Variants in SLMAP observed in about 807,000 individuals in gnomAD.
SLMAP encodes the protein sarcolemmal membrane-associated protein.
SLMAP carries 44 observed loss-of-function variants against 128.8 expected under a neutral mutation model. The ratio of observed to expected loss-of-function variants is 0.34; its 90% CI spans 0.27 to 0.44. The LOEUF (loss-of-function observed/expected upper bound fraction) is 0.44. Among genes scored for constraint, SLMAP ranks in the 20% least tolerant of loss-of-function variants. The probability of loss-of-function intolerance (pLI) is 1.00; values close to 1 mark genes in which losing one functional copy is unlikely to be tolerated. For synonymous variants in SLMAP, 327 were observed against 348.8 expected, an observed-to-expected ratio of 0.94 and a Z score of 0.70; for missense variants, 787 against 985.3, an observed-to-expected ratio of 0.80 and a Z score of 2.69.
chr3:57,857,560 G>C (rs532913765), intron 6 of SLMAP, among the ~76,000 whole-genome samples, 173 bp from the exon 7 acceptor site: 37 of 152,306 alleles, frequency 2.4e-4, no homozygotes, highest in Middle Eastern at 3.4e-3. Flanking sequence ...AGGGAAACCA[G>C]AGATAAGCGG....
At chr3:57,876,057 T>C (rs529445913) in intron 14 of SLMAP, among the ~76,000 whole-genome samples, 4 of 152,358 alleles carry the variant, frequency 2.6e-5, no homozygotes, top group Admixed American at 2.6e-4. Flanking sequence ...TGCTGCTTCA[T>C]ATTTCTTGTT....
intron 19 of SLMAP, 135 bp from the exon 20 acceptor site, chr3:57,912,246 A>G: frequency 1.6e-6 from 1 of 629,320 alleles, no homozygotes; most frequent in South Asian, 3.0e-5. Context: ...CGCTTTCTGC[A>G]TCAAACGTGG....
chr3:57,903,885 AG>A (rs1263170543), intron 17 of SLMAP, among the ~76,000 whole-genome samples: 4 of 152,312 alleles, frequency 2.6e-5, no homozygotes, highest in Non-Finnish European at 5.9e-5. Flanking sequence ...AGACTCCCCA[AG>A]GTTATGAAGC....
rs566031347 is a variant in SLMAP at position 57,864,133 on chromosome 3, C to T, written c.967-415C>T. ...GTTTAGAAATGTCAGGTTAGCCGGG[C>T]GCAGTGGCTCATGCCTGTAATCCCA... On this transcript the variant is annotated intron_variant, in intron 10 of 24. Transcript: ENST00000671191. Among the ~76,000 whole-genome samples, 10 of 152,220 alleles carry T rather than the reference C, an allele frequency of 6.6e-5. No individual in the cohort carries two copies. The East Asian group carries it at 1.4e-3, about 21-fold the overall frequency.
chr3:57,775,509 CAAAAAAAA>C (rs1009755128), intron 2 of SLMAP, among the ~76,000 whole-genome samples: 8 of 21,196 alleles, frequency 3.8e-4, no homozygotes, highest in Admixed American at 1.2e-3. Context: ...CCTGTTGGTA[CAAAAAAAA>C]AAAAAAAAAA....
chr3:57,824,796 A>G (rs2092797591), intron 2 of SLMAP, among the ~76,000 whole-genome samples: 1 of 152,216 alleles, frequency 6.6e-6, no homozygotes, highest in African/African-American at 2.4e-5. Flanking sequence ...AAAGGTGGTC[A>G]TTGGAATTTT....
At chr3:57,813,470 A>G (rs1198733440) in intron 2 of SLMAP, among the ~76,000 whole-genome samples, 1 of 152,210 alleles carries the variant, frequency 6.6e-6, no homozygotes, top group East Asian at 1.9e-4. Context: ...TCTCATGTCC[A>G]GGACAGTGAG....
chr3:57,905,254 A>C (rs1433630032), intron 17 of SLMAP, among the ~76,000 whole-genome samples: 1 of 152,062 alleles, frequency 6.6e-6, no homozygotes, highest in African/African-American at 2.4e-5. Flanking sequence ...ATTCGAGTTC[A>C]TACCCTACAC....
At chr3:57,760,866 T>TC (rs1056610029) in intron 2 of SLMAP, among the ~76,000 whole-genome samples, 2 of 152,106 alleles carry the variant, frequency 1.3e-5, no homozygotes, top group African/African-American at 4.8e-5. Flanking sequence ...TAGCTGGGAC[T>TC]ACAGGCATGC....
chr3:57,834,524 A>G (rs2093525200), intron 3 of SLMAP, among the ~76,000 whole-genome samples: 2 of 152,156 alleles, frequency 1.3e-5, no homozygotes, highest in African/African-American at 4.8e-5. Flanking sequence ...TCCTAGCAAA[A>G]TTATCTCAAG....
At chr3:57,816,229 T>C (rs893642282) in intron 2 of SLMAP, among the ~76,000 whole-genome samples, 1 of 152,118 alleles carries the variant, frequency 6.6e-6, no homozygotes, top group African/African-American at 2.4e-5. Flanking sequence ...TTGCAACTTC[T>C]GCCTCCCAGG....
At chr3:57,861,018 G>A (rs2095031261) in intron 9 of SLMAP, among the ~76,000 whole-genome samples, 179 bp downstream of exon 9, 1 of 152,132 alleles carries the variant, frequency 6.6e-6, no homozygotes, top group African/African-American at 2.4e-5. Flanking sequence ...GTGAGTTTTG[G>A]TACTTACTCC....
rs2096257637 is a variant in SLMAP at position 57,896,933 on chromosome 3, G to A, written c.1501+1G>A. 1.9e-6 allele frequency: 3 copies of A among 1,613,158 alleles called. No homozygotes were observed. Among genetic ancestry groups the A allele is most frequent in the East Asian group, 2.2e-5 (1 of 44,820 alleles). On this transcript the variant is annotated splice_donor_variant, in intron 17 of 24. Transcript: ENST00000671191. LOFTEE classifies it high-confidence loss of function. ...CTTGCCAAAGTGTCCCTTTTAAAAG[G>A]TACTTTAACATGTTTTTATGACATC... is the stretch of plus-strand genomic sequence containing the variant.
chr3:57,878,620 CAT>C, intron 14 of SLMAP, among the ~76,000 whole-genome samples: 1 of 152,268 alleles, frequency 6.6e-6, no homozygotes, highest in East Asian at 1.9e-4. Context: ...CAGTATCTCT[CAT>C]AGAATTATGA....
chr3:57,796,416 C>G (rs1347503635), intron 2 of SLMAP, among the ~76,000 whole-genome samples: 1 of 152,114 alleles, frequency 6.6e-6, no homozygotes, highest in Non-Finnish European at 1.5e-5. Flanking sequence ...AGCCTGACTA[C>G]CTGGGTGTGA....
At position 57,905,442 on chromosome 3, in the gene SLMAP, C is replaced by A. The variant is rs557119670; in HGVS notation, c.1502-2442C>A. Among the ~76,000 whole-genome samples, 27 of 152,066 alleles carry A rather than the reference C, an allele frequency of 1.8e-4. No homozygotes were observed. The South Asian group carries it at 5.6e-3, about 32-fold the overall frequency. The stretch of plus-strand genomic sequence containing the variant: ...GACTACAGGTGTGCATCACCAAACC[C>A]AGTTAATTTTCGTATTTTTAGTAGA... On this transcript the variant is annotated intron_variant, in intron 17 of 24. Transcript: ENST00000671191.
Position 57,888,088 on chromosome 3 carries a change from G to A in SLMAP, c.1301-1953G>A, listed in dbSNP as rs372306817. ...TTTTCAGGAAATTATAAGAGGATAT[G>A]TTATAAGAAAACAGAAAGAGGAAGG... On this transcript the variant is annotated intron_variant, in intron 14 of 24. Coordinates refer to ENST00000671191, the MANE Select transcript of SLMAP (RefSeq NM_001377540.1). Among the ~76,000 whole-genome samples, 26 of 152,234 alleles carry A rather than the reference G, an allele frequency of 1.7e-4. No homozygotes were observed. In the South Asian group the frequency reaches 5.4e-3, roughly 32 times the overall value.
chr3:57,903,031 C>A (rs576948887), intron 17 of SLMAP, among the ~76,000 whole-genome samples: 1 of 152,268 alleles, frequency 6.6e-6, no homozygotes, highest in East Asian at 1.9e-4. Flanking sequence ...ATAAGATACA[C>A]AAGAAGGCTA....
At chr3:57,825,922 ACT>A (rs1176911089) in intron 2 of SLMAP, among the ~76,000 whole-genome samples, 2 of 151,922 alleles carry the variant, frequency 1.3e-5, no homozygotes, top group African/African-American at 4.8e-5. Flanking sequence ...TAAACCTTTG[ACT>A]GTTTTCGAGA....
Sources: gnomAD v4.1 joint callset for allele counts (sites outside exome capture counted in the v4.1 genomes callset) on GRCh38, gnomAD v4.1.1 for gene constraint, MANE v1.5 for transcripts, NCBI Gene and HGNC (gene_info 2026-07-23, HGNC 2026-07-21) for gene names.